CNBD1: variants seen among roughly 807,000 people sequenced by gnomAD.
CNBD1 encodes cyclic nucleotide-binding domain-containing protein 1.
Under a neutral mutation model 54.4 loss-of-function variants are expected in CNBD1, and 71 were observed. That is an observed-to-expected ratio of 1.30 (90% CI 1.08 to 1.59). The LOEUF is 1.59. Ranked by LOEUF, CNBD1 falls within the 40% of genes most tolerant of loss-of-function variation. The probability of loss-of-function intolerance (pLI) is 0.00; values close to 1 mark genes in which losing one functional copy is unlikely to be tolerated. For missense variants in CNBD1, 659 were observed against 518.0 expected (o/e 1.27, Z -2.64); for synonymous variants, 182 against 170.7 (o/e 1.07, Z -0.51).
At chr8:87,361,770 T>G (rs1220997686) in intron 10 of CNBD1, among the ~76,000 whole-genome samples, 1 of 150,978 alleles carries the variant, frequency 6.6e-6, no homozygotes, top group Non-Finnish European at 1.5e-5. Context: ...ACTACTTATG[T>G]ATCAATTGGT....
At chr8:87,007,911 T>C (rs920104330) in intron 4 of CNBD1, among the ~76,000 whole-genome samples, 1 of 152,168 alleles carries the variant, frequency 6.6e-6, no homozygotes, top group Non-Finnish European at 1.5e-5. Context: ...ATTAAATGAC[T>C]CCAAAAACGT....
chr8:86,929,550 G>A (rs1809421503), intron 3 of CNBD1, among the ~76,000 whole-genome samples: 1 of 152,200 alleles, frequency 6.6e-6, no homozygotes, highest in African/African-American at 2.4e-5. Flanking sequence ...ATTCTCTCAG[G>A]CAGCATAAGT....
intron 1 of CNBD1, among the ~76,000 whole-genome samples, chr8:86,872,067 C>T (rs1473289437): frequency 6.6e-6 from 1 of 152,206 alleles, no homozygotes; most frequent in Non-Finnish European, 1.5e-5. Context: ...GTCATCAATC[C>T]AAGATCATTG....
chr8:87,017,744 A>G (rs544675585), intron 4 of CNBD1, among the ~76,000 whole-genome samples: 2 of 152,236 alleles, frequency 1.3e-5, no homozygotes, highest in South Asian at 4.1e-4. Context: ...ATATGTATAT[A>G]TATTTTCTTT....
intron 4 of CNBD1, among the ~76,000 whole-genome samples, chr8:86,970,271 TG>T (rs1435383613): frequency 1.3e-5 from 2 of 152,214 alleles, no homozygotes; most frequent in Non-Finnish European, 2.9e-5. Context: ...CTACTCCTTC[TG>T]GAATTTCACT....
chr8:87,128,063 A>G (rs886521660), intron 4 of CNBD1, among the ~76,000 whole-genome samples: 1 of 152,108 alleles, frequency 6.6e-6, no homozygotes, highest in African/African-American at 2.4e-5. Context: ...TTGGCTGGGG[A>G]TAGTCAGGGG....
intron 4 of CNBD1, among the ~76,000 whole-genome samples, chr8:86,952,357 G>A (rs148411442): frequency 9.9e-5 from 15 of 152,222 alleles, no homozygotes; most frequent in African/African-American, 3.6e-4. Flanking sequence ...TTATCTGATA[G>A]TGGATTTTGC....
At chr8:87,006,382 T>C (rs1809098600) in intron 4 of CNBD1, among the ~76,000 whole-genome samples, 1 of 152,152 alleles carries the variant, frequency 6.6e-6, no homozygotes, top group Non-Finnish European at 1.5e-5. Context: ...GAAAAGGATG[T>C]ATTAGGCCAT....
intron 4 of CNBD1, among the ~76,000 whole-genome samples, chr8:86,973,133 T>A (rs1808263267): frequency 2.0e-5 from 3 of 152,232 alleles, no homozygotes; most frequent in Admixed American, 2.0e-4. Flanking sequence ...GTTTGGCTCC[T>A]ACCTACTCTA....
chr8:86,885,036 A>G (rs560431166), intron 1 of CNBD1, among the ~76,000 whole-genome samples: 3 of 152,224 alleles, frequency 2.0e-5, no homozygotes, highest in Non-Finnish European at 4.4e-5. Flanking sequence ...ATGTATTTAC[A>G]GAATTTCTAA....
At chr8:87,187,468 C>CTT (rs1813504193) in intron 4 of CNBD1, among the ~76,000 whole-genome samples, 1 of 128,166 alleles carries the variant, frequency 7.8e-6, no homozygotes, top group Admixed American at 7.2e-5. Flanking sequence ...ATATATCCTT[C>CTT]TCTTTTTTTT....
chr8:87,129,900 A>G (rs1812080874), intron 4 of CNBD1, among the ~76,000 whole-genome samples: 1 of 152,202 alleles, frequency 6.6e-6, no homozygotes, highest in African/African-American at 2.4e-5. Flanking sequence ...GGTTTAATTG[A>G]CCTACAGATT....
At chr8:87,414,325 G>T (rs149779487) in intron 2 of CNBD1, among the ~76,000 whole-genome samples, 218 of 152,152 alleles carry the variant, frequency 1.4e-3, no homozygotes, top group Non-Finnish European at 2.1e-3. Context: ...TGAACAATGA[G>T]AACCCATGGA....
chr8:87,394,120 G>A (rs918044383), intron 2 of CNBD1, among the ~76,000 whole-genome samples: 1 of 151,810 alleles, frequency 6.6e-6, no homozygotes, highest in African/African-American at 2.4e-5. Context: ...TTTGTTGATA[G>A]GGCGTAACAA....
chr8:87,358,188 C>T (rs7828088), intron 10 of CNBD1, among the ~76,000 whole-genome samples: 86,254 of 152,050 alleles, frequency 0.57, 25,992 homozygotes, highest in African/African-American at 0.77. Context: ...GGTATTCCTT[C>T]ATAGCAATGC....
intron 8 of CNBD1, among the ~76,000 whole-genome samples, chr8:87,317,169 T>G (rs1207627424): frequency 1.3e-5 from 2 of 151,836 alleles, no homozygotes; most frequent in Non-Finnish European, 2.9e-5. Context: ...TTCATTAATT[T>G]TCTCCATTGA....
chr8:87,421,548 A>G (rs1807938157), intron 2 of CNBD1, among the ~76,000 whole-genome samples: 2 of 151,446 alleles, frequency 1.3e-5, no homozygotes, highest in African/African-American at 4.9e-5. Flanking sequence ...TTCTTGCGAT[A>G]GTTTACTGAG....
At chr8:87,383,056 A>C (rs1296550213), downstream of CNBD1, among the ~76,000 whole-genome samples, 1 of 152,024 alleles carries the variant, frequency 6.6e-6, no homozygotes, top group Non-Finnish European at 1.5e-5. Context: ...AAAAATCTAT[A>C]AAGCATATGT....
At chr8:86,868,904 A>T (rs2446120) in intron 1 of CNBD1, among the ~76,000 whole-genome samples, 18 of 151,874 alleles carry the variant, frequency 1.2e-4, no homozygotes, top group African/African-American at 2.7e-4. Context: ...TCTGGGTACC[A>T]GCCACAATTG....
Sources: allele counts gnomAD v4.1 joint callset (sites outside exome capture counted in the v4.1 genomes callset), GRCh38; gene constraint gnomAD v4.1.1; transcripts MANE v1.5; gene names NCBI Gene and HGNC (gene_info 2026-07-23, HGNC 2026-07-21).